Variants in HACD3 observed in about 807,000 individuals in gnomAD.
The protein encoded by HACD3 is very-long-chain (3R)-3-hydroxyacyl-CoA dehydratase 3.
A neutral mutation model predicts 55.2 loss-of-function variants in HACD3; 30 were observed. The ratio of observed to expected loss-of-function variants is 0.54; its 90% CI spans 0.41 to 0.74. The LOEUF is 0.74. Among genes scored for constraint, HACD3 ranks in the 30% least tolerant of loss-of-function variants. The pLI is 0.00. For missense variants in HACD3, 363 were observed against 440.1 expected, an observed-to-expected ratio of 0.82 and a Z score of 1.57; for synonymous variants, 141 against 151.7, an observed-to-expected ratio of 0.93 and a Z score of 0.52.
intron 7 of HACD3, 73 bp from the exon 8 acceptor site, chr15:65,570,018 T>C: frequency 2.9e-6 from 3 of 1,021,604 alleles, no homozygotes; most frequent in Non-Finnish European, 4.2e-6. Context: ...GGGGTTAGAT[T>C]TCAGATAACA....
intron 2 of HACD3, 64 bp from the exon 3 acceptor site, chr15:65,554,823 A>G (rs2072172567): frequency 1.7e-6 from 2 of 1,169,296 alleles, no homozygotes; most frequent in Non-Finnish European, 1.3e-6. Flanking sequence ...AACTGCACCA[A>G]GCTGGCTTTT....
intron 6 of HACD3, 38 bp downstream of exon 6, chr15:65,562,922 A>G: frequency 6.2e-7 from 1 of 1,605,268 alleles, no homozygotes; most frequent in African/African-American, 1.3e-5. Context: ...TCCCTTTCTC[A>G]GTAGTTTGGC....
intron 5 of HACD3, among the ~76,000 whole-genome samples, chr15:65,561,498 C>T (rs1330109023): frequency 6.6e-6 from 1 of 152,020 alleles, no homozygotes; most frequent in Non-Finnish European, 1.5e-5. Context: ...TGAGCCGGAG[C>T]TGAGGAAATC....
intron 1 of HACD3, chr15:65,534,421 C>T (rs1399280163): frequency 2.0e-5 from 3 of 152,206 alleles, no homozygotes; most frequent in Non-Finnish European, 4.4e-5. Context: ...GCAGTGGCAT[C>T]GTCTGTGCTT....
chr15:65,558,610 G>A (rs1177795284), intron 4 of HACD3, 70 bp from the exon 5 acceptor site: 1 of 1,431,986 alleles, frequency 7.0e-7, no homozygotes, highest in East Asian at 2.5e-5. Flanking sequence ...TACTCAGCCA[G>A]CATATGGACT....
At chr15:65,556,002 C>T (rs1351834798) in intron 3 of HACD3, among the ~76,000 whole-genome samples, 2 of 152,128 alleles carry the variant, frequency 1.3e-5, no homozygotes, top group Non-Finnish European at 2.9e-5. Flanking sequence ...CTGATATCCT[C>T]CTGTATCATT....
intron 7 of HACD3, chr15:65,566,622 CAT>C (rs1340947494): frequency 6.6e-6 from 1 of 152,278 alleles, no homozygotes; most frequent in African/African-American, 2.4e-5. Context: ...CCTTCCACAA[CAT>C]GTGGGAATTC....
At chr15:65,560,612 C>T (rs573114620) in intron 5 of HACD3, among the ~76,000 whole-genome samples, 5 of 152,012 alleles carry the variant, frequency 3.3e-5, no homozygotes, top group South Asian at 4.2e-4. Context: ...GACTGGGCAA[C>T]GTAGCAAGAC....
intron 1 of HACD3, among the ~76,000 whole-genome samples, chr15:65,546,532 A>C (rs1188985727): frequency 6.6e-6 from 1 of 152,184 alleles, no homozygotes; most frequent in Non-Finnish European, 1.5e-5. Flanking sequence ...CCCTAAAAAA[A>C]CCAAATATGA....
At chr15:65,569,016 G>T (rs1342553697) in intron 7 of HACD3, among the ~76,000 whole-genome samples, 1 of 150,684 alleles carries the variant, frequency 6.6e-6, no homozygotes, top group East Asian at 2.0e-4. Context: ...GGGAGGCCGA[G>T]GCGGGTGGAT....
intron 1 of HACD3, among the ~76,000 whole-genome samples, chr15:65,549,472 C>CA (rs1199482910): frequency 6.8e-6 from 1 of 147,572 alleles, no homozygotes; most frequent in East Asian, 2.0e-4. Context: ...TGGTGGCGCA[C>CA]ACCTGTAATC....
intron 7 of HACD3, among the ~76,000 whole-genome samples, chr15:65,569,479 G>A (rs935402427): frequency 1.3e-5 from 2 of 152,282 alleles, no homozygotes; most frequent in East Asian, 1.9e-4. Flanking sequence ...GGAGGCTGAC[G>A]CAAGAGGATC....
chr15:65,549,639 A>T (rs946599660), intron 1 of HACD3, among the ~76,000 whole-genome samples: 14 of 149,420 alleles, frequency 9.4e-5, no homozygotes, highest in Admixed American at 7.3e-4. Flanking sequence ...CCCAAGACCC[A>T]CCAAAGGTGT....
intron 10 of HACD3, 22 bp downstream of exon 10, chr15:65,572,388 C>G (rs1396827912): frequency 6.5e-7 from 1 of 1,538,644 alleles, no homozygotes; most frequent in Non-Finnish European, 8.8e-7. Context: ...TTCTTTAATA[C>G]AGACTTTTTC....
At chr15:65,546,554 C>T (rs563357062) in intron 1 of HACD3, among the ~76,000 whole-genome samples, 5 of 152,206 alleles carry the variant, frequency 3.3e-5, no homozygotes, top group African/African-American at 1.2e-4. Context: ...ATTTAGCAAT[C>T]AATTGGTAGA....
intron 1 of HACD3, among the ~76,000 whole-genome samples, chr15:65,544,493 T>C (rs1198759047): frequency 6.6e-6 from 1 of 152,200 alleles, no homozygotes; most frequent in African/African-American, 2.4e-5. Flanking sequence ...TGTAGAATGC[T>C]ACCATTGGGG....
At chr15:65,556,680 C>A (rs2072193728) in intron 3 of HACD3, 59 bp from the exon 4 acceptor site, 3 of 1,504,410 alleles carry the variant, frequency 2.0e-6, no homozygotes, top group Non-Finnish European at 2.7e-6. Context: ...GCGCCCCTGG[C>A]ATGGTGCTGC....
At position 65,574,948 on chromosome 15, in the gene HACD3, G is replaced by T. The variant is rs537906562; in HGVS notation, c.1013-1355G>T. Among the ~76,000 whole-genome samples the T allele has an allele frequency of 3.9e-5, 6 of 152,274 alleles. No individual in the cohort carries two copies. In the South Asian group the frequency reaches 1.2e-3, roughly 32 times the overall value. ...GGAAAGACATTTAAAATATTTTAGT[G>T]AACAGGGTAGAGGGGTAGAAATATT... On this transcript the variant is annotated intron_variant, in intron 10 of 10. Transcript: ENST00000261875.
At chr15:65,531,207 T>TGGGGGA (rs1413686253) in intron 1 of HACD3, 1 of 1,956 alleles carries the variant, frequency 5.1e-4, no homozygotes, top group African/African-American at 2.0e-3. Context: ...CTGCCGGAGG[T>TGGGGGA]GGGGGAGGGG....
Sources: allele counts gnomAD v4.1 joint callset (sites outside exome capture counted in the v4.1 genomes callset), GRCh38; gene constraint gnomAD v4.1.1; transcripts MANE v1.5; gene names NCBI Gene and HGNC (gene_info 2026-07-23, HGNC 2026-07-21).